Variants in NPM2 observed in about 807,000 individuals in gnomAD.
NPM2 encodes nucleoplasmin-2.
NPM2 carries 25 observed loss-of-function variants against 32.0 expected under a neutral mutation model. That is an observed-to-expected ratio of 0.78 (90% confidence interval 0.57 to 1.09). The LOEUF is 1.09. Among genes scored for constraint, NPM2 ranks in the 50% least tolerant of loss-of-function variants. The pLI, the probability that NPM2 is intolerant of heterozygous loss-of-function variation, is 0.00. For missense variants in NPM2, 282 were observed against 259.9 expected, an observed-to-expected ratio of 1.08 and a Z score of -0.58; for synonymous variants, 111 against 94.2, an observed-to-expected ratio of 1.18 and a Z score of -1.04.
At chr8:22,027,181 A>G (rs1585509728) in intron 5 of NPM2, among the ~76,000 whole-genome samples, 1 of 152,118 alleles carries the variant, frequency 6.6e-6, no homozygotes, top group East Asian at 1.9e-4. Context: ...GATAGTATTT[A>G]GGTGTTCAGG....
chr8:22,033,621 G>T (rs1400800890), intron 6 of NPM2, among the ~76,000 whole-genome samples: 2 of 152,160 alleles, frequency 1.3e-5, no homozygotes, highest in Non-Finnish European at 2.9e-5. Context: ...ACTCCTTCAA[G>T]GTCCCTTCAA....
chr8:22,036,878 A>G lies in NPM2; in HGVS notation c.*196A>G, dbSNP rs767661741. 1.5e-5 allele frequency: 9 copies of G among 581,980 alleles called. No individual in the cohort carries two copies. The highest frequency in any genetic ancestry group is 2.4e-5 in the Non-Finnish European group (8 of 338,984). The allele number at this position is 581,980 out of a possible 1,614,324, so 36.1% of individuals were successfully genotyped here. A position where few individuals can be genotyped will look rare whatever the true frequency, so the allele number is the denominator to read the frequency against. ...TGAAGAGCCCCACCTCGGGGTCACA[A>G]TAAAGTTGCCTGGTCAGGACTTTCC... On this transcript the variant is annotated 3_prime_UTR_variant, in exon 10 of 10. Transcript: ENST00000518119.
chr8:22,030,240 C>T (rs931082950), intron 5 of NPM2, among the ~76,000 whole-genome samples: 1 of 152,018 alleles, frequency 6.6e-6, no homozygotes, highest in African/African-American at 2.4e-5. Context: ...ATCAGGTTTT[C>T]TTTTATTTTT....
At position 22,027,131 on chromosome 8, in the gene NPM2, C is replaced by CT. The variant is rs545524984; in HGVS notation, c.270+1367dup. ...ATTTGTTTTACTCATATATTGAGCC[C>CT]TTTTTTTTACCTGTATACATGTGAG... On this transcript the variant is annotated intron_variant, in intron 5 of 9. Coordinates refer to ENST00000518119, the MANE Select transcript of NPM2 (RefSeq NM_001286680.2). Among the ~76,000 whole-genome samples, 306 of 152,032 alleles carry CT rather than the reference C, an allele frequency of 2.0e-3. 4 individuals are homozygous for CT. The highest frequency in any genetic ancestry group is 6.9e-3 in the African/African-American group (288 of 41,476).
At chr8:22,031,776 C>T (rs938687611) in intron 5 of NPM2, among the ~76,000 whole-genome samples, 1 of 152,208 alleles carries the variant, frequency 6.6e-6, no homozygotes, top group African/African-American at 2.4e-5. Context: ...AGCAAAAAGT[C>T]CTGGCTGTTT....
At chr8:22,034,329 T>C (rs1800547139) in intron 7 of NPM2, 54 bp downstream of exon 7, 15 of 1,523,624 alleles carry the variant, frequency 9.8e-6, no homozygotes, top group Middle Eastern at 2.2e-4. Context: ...ACAGAAGCAC[T>C]TAAGAGGGGT....
In NPM2 at chr8:22,025,223, G is replaced by A. The variant is rs1800197455; in HGVS notation, c.-26G>A. The A allele has an allele frequency of 3.1e-6, 5 of 1,606,322 alleles. No homozygotes were observed. In the African/African-American group the frequency reaches 4.0e-5, roughly 13 times the overall value. ...CGGGCGCCCTCCTTGCAGCTGCCCGGCCAGCCCGCTTCTCTGCCCGGAGCC... is the reference window on the plus strand; with the variant it reads ...CGGGCGCCCTCCTTGCAGCTGCCCGACCAGCCCGCTTCTCTGCCCGGAGCC... On this transcript the variant is annotated 5_prime_UTR_variant, in exon 3 of 10. Transcript: ENST00000518119.
intron 5 of NPM2, 134 bp downstream of exon 5, chr8:22,025,906 A>G: frequency 1.5e-6 from 2 of 1,318,590 alleles, no homozygotes; most frequent in Non-Finnish European, 2.1e-6. Context: ...CCCATGCAGA[A>G]AGCCGGGGTC....
chr8:22,027,667 T>C (rs934158048), intron 5 of NPM2, among the ~76,000 whole-genome samples: 2 of 151,064 alleles, frequency 1.3e-5, no homozygotes, highest in Non-Finnish European at 2.9e-5. Context: ...AGTGCAATGG[T>C]GCGCTCTCGG....
chr8:22,034,481 C>G (rs770542504), intron 7 of NPM2, 29 bp from the exon 8 acceptor site: 1 of 1,601,614 alleles, frequency 6.2e-7, no homozygotes, highest in Non-Finnish European at 8.5e-7. Context: ...TGTCTGAACT[C>G]TCATAATACA....
chr8:22,028,806 A>G (rs142248054), intron 5 of NPM2, among the ~76,000 whole-genome samples: 1 of 152,254 alleles, frequency 6.6e-6, no homozygotes, highest in African/African-American at 2.4e-5. Context: ...CTTATGTTCC[A>G]GGTATGTATC....
rs566182383 is a variant in NPM2, at chr8:22,030,826, G to A, written c.271-2304G>A. On this transcript the variant is annotated intron_variant, in intron 5 of 9. Coordinates refer to ENST00000518119, the MANE Select transcript of NPM2 (RefSeq NM_001286680.2). ...CCCCCGAGTAGCCTGGGCTACAGGCGTGCACCAACACACCCAGCTTTATCT... is the reference window on the plus strand; with the variant it reads ...CCCCCGAGTAGCCTGGGCTACAGGCATGCACCAACACACCCAGCTTTATCT... 7.2e-5 allele frequency among the ~76,000 whole-genome samples: 11 copies of A among 152,132 alleles called. No individual in the cohort carries two copies. The South Asian group carries it at 1.0e-3, about 14-fold the overall frequency.
chr8:22,035,685 G>A (rs113530822), intron 8 of NPM2, among the ~76,000 whole-genome samples: 2,793 of 152,310 alleles, frequency 0.018, 36 homozygotes, highest in Middle Eastern at 0.027. Flanking sequence ...TGTAATCCCA[G>A]CACTTTGGGA....
chr8:22,033,049 C>G, intron 5 of NPM2, 81 bp from the exon 6 acceptor site: 1 of 1,000,850 alleles, frequency 1.0e-6, no homozygotes, highest in Non-Finnish European at 1.6e-6. Context: ...GGGAAATCAA[C>G]TCAGTATTTC....
At chr8:22,025,620 G>A in intron 4 of NPM2, 27 bp from the exon 5 acceptor site, 5 of 1,614,186 alleles carry the variant, frequency 3.1e-6, no homozygotes, top group Non-Finnish European at 4.2e-6. Flanking sequence ...AGGGTGATGA[G>A]GGGCCTCTAT....
intron 5 of NPM2, among the ~76,000 whole-genome samples, chr8:22,030,725 T>C (rs997730554): frequency 6.6e-6 from 1 of 152,050 alleles, no homozygotes; most frequent in Admixed American, 6.6e-5. Context: ...TGTCGCCCAG[T>C]CTGGAGTGCA....
intron 5 of NPM2, among the ~76,000 whole-genome samples, chr8:22,030,336 T>A (rs1287505956): frequency 1.3e-5 from 2 of 152,162 alleles, no homozygotes; most frequent in Non-Finnish European, 2.9e-5. Flanking sequence ...ACTCCTGGGC[T>A]CAAGTGATCC....
chr8:22,032,055 C>G (rs1800460090), intron 5 of NPM2, among the ~76,000 whole-genome samples: 1 of 152,152 alleles, frequency 6.6e-6, no homozygotes, highest in African/African-American at 2.4e-5. Flanking sequence ...AAGTTATTCA[C>G]TCTAAGTCTC....
At chr8:22,031,226 C>T (rs1020694825) in intron 5 of NPM2, among the ~76,000 whole-genome samples, 1 of 152,170 alleles carries the variant, frequency 6.6e-6, no homozygotes, top group African/African-American at 2.4e-5. Flanking sequence ...TTGTTGTTAG[C>T]TTCCTTTAAT....
Sources: gnomAD v4.1 joint callset for allele counts (sites outside exome capture counted in the v4.1 genomes callset) on GRCh38, gnomAD v4.1.1 for gene constraint, MANE v1.5 for transcripts, NCBI Gene and HGNC (gene_info 2026-07-23, HGNC 2026-07-21) for gene names.